GRHL1: variants seen among roughly 807,000 people sequenced by gnomAD.
GRHL1 encodes grainyhead like transcription factor 1.
GRHL1 carries 38 observed loss-of-function variants against 75.7 expected under a neutral mutation model. The ratio of observed to expected loss-of-function variants is 0.50; its 90% CI spans 0.39 to 0.66. The LOEUF is 0.66. GRHL1 is among the 30% of genes least tolerant of loss of function. The pLI is 0.00. For missense variants in GRHL1, 589 were observed against 767.5 expected, an observed-to-expected ratio of 0.77 and a Z score of 2.75; for synonymous variants, 266 against 279.4, an observed-to-expected ratio of 0.95 and a Z score of 0.48.
intron 8 of GRHL1, among the ~76,000 whole-genome samples, chr2:9,979,152 A>AAAAAAAAAAAAAAAAAAAAAAAAAAAG (rs1668086893): frequency 1.3e-5 from 1 of 76,834 alleles, no homozygotes. Context: ...ACTCTCTCTC[A>AAAAAAAAAAAAAAAAAAAAAAAAAAAG]AAAAAAAAAA....
chr2:9,983,570 G>C lies in GRHL1; in HGVS notation c.1111-2554G>C, dbSNP rs547448568. Reference sequence around the variant, plus strand: ...GGGAAGCAAGGGGAGGTTAGGTTTCGGGTTGGATTACTGTGAAATCTTCTT... The same window carrying C: ...GGGAAGCAAGGGGAGGTTAGGTTTCCGGTTGGATTACTGTGAAATCTTCTT... On this transcript the variant is annotated intron_variant, in intron 8 of 15. Transcript: ENST00000324907. Among the ~76,000 whole-genome samples the C allele has an allele frequency of 1.8e-3, 271 of 152,162 alleles. 1 individual carries two copies. The highest frequency in any genetic ancestry group is 6.1e-3 in the African/African-American group (254 of 41,504).
chr2:9,965,624 T>A, intron 8 of GRHL1: 1 of 477,546 alleles, frequency 2.1e-6, no homozygotes, highest in Non-Finnish European at 3.7e-6. Context: ...CACTCCTGCC[T>A]GTTCAGCCTT....
intron 8 of GRHL1, among the ~76,000 whole-genome samples, chr2:9,969,872 T>C: frequency 7.0e-6 from 1 of 142,054 alleles, no homozygotes. Flanking sequence ...AGATGGAGTC[T>C]CACTCTTTCG....
At chr2:9,994,834 C>CT (rs1668786735) in intron 12 of GRHL1, among the ~76,000 whole-genome samples, 2 of 152,236 alleles carry the variant, frequency 1.3e-5, no homozygotes, top group South Asian at 4.1e-4. Context: ...TTCGTTCGAT[C>CT]TGAGTTTTTC....
chr2:9,953,006 C>T (rs554839219), intron 1 of GRHL1: 8 of 456,714 alleles, frequency 1.8e-5, no homozygotes, highest in African/African-American at 1.2e-4. Flanking sequence ...GAGCCTTCGG[C>T]GACTGAAGCC....
intron 9 of GRHL1, among the ~76,000 whole-genome samples, chr2:9,989,747 C>CT (rs1350618842): frequency 1.3e-5 from 2 of 152,120 alleles, no homozygotes; most frequent in Non-Finnish European, 2.9e-5. Flanking sequence ...GACAGGGTTT[C>CT]CCATGTTGGC....
At chr2:9,995,551 C>T (rs1019911228) in intron 12 of GRHL1, among the ~76,000 whole-genome samples, 6 of 150,994 alleles carry the variant, frequency 4.0e-5, no homozygotes, top group African/African-American at 1.2e-4. Context: ...CACCACTGCA[C>T]TCCAGCCTGA....
intron 10 of GRHL1, 89 bp from the exon 11 acceptor site, chr2:9,991,918 C>A (rs1668660773): frequency 3.0e-6 from 3 of 1,011,290 alleles, no homozygotes; most frequent in Admixed American, 2.5e-5. Flanking sequence ...GAGTATCTTA[C>A]TCAGAGGCGA....
chr2:9,970,801 G>C (rs1667693152), intron 8 of GRHL1, among the ~76,000 whole-genome samples: 1 of 152,256 alleles, frequency 6.6e-6, no homozygotes, highest in Non-Finnish European at 1.5e-5. Flanking sequence ...GAGGCCTTTG[G>C]AAGGATTGTC....
chr2:9,955,499 G>T (rs991853956), intron 2 of GRHL1, among the ~76,000 whole-genome samples: 9 of 152,176 alleles, frequency 5.9e-5, no homozygotes, highest in Admixed American at 4.6e-4. Context: ...TGATACTACA[G>T]AGCCTTTGAA....
At chr2:9,978,713 G>A (rs12616347) in intron 8 of GRHL1, among the ~76,000 whole-genome samples, 18,452 of 152,132 alleles carry the variant, frequency 0.12, 1,713 homozygotes, top group Admixed American at 0.26. Context: ...GAAACCAGCC[G>A]GGCATGGTGG....
rs1667438857 is a variant in GRHL1, at chr2:9,965,206, G to A, written c.1016-81G>A. ...CCAGAGGTGATAATGCTAAAAACTA[G>A]ATCTTATTTTGAACTGCTGGGATCC... On this transcript the variant is annotated intron_variant, in intron 7 of 15. Coordinates refer to ENST00000324907, the MANE Select transcript of GRHL1 (RefSeq NM_198182.3). 5 of 730,108 alleles carry A rather than the reference G, an allele frequency of 6.8e-6. No homozygotes were observed. The South Asian group carries it at 7.9e-5, about 11-fold the overall frequency. The allele number at this position is 730,108 out of a possible 1,614,324, so 45.2% of individuals were successfully genotyped here.
intron 5 of GRHL1, 81 bp downstream of exon 5, chr2:9,962,612 G>A: frequency 2.4e-6 from 2 of 839,842 alleles, no homozygotes; most frequent in South Asian, 2.9e-5. Context: ...TAAATCAAAG[G>A]TGGCTTTAGC....
intron 2 of GRHL1, among the ~76,000 whole-genome samples, chr2:9,956,401 G>A (rs1463378947): frequency 6.6e-6 from 1 of 152,138 alleles, no homozygotes; most frequent in Non-Finnish European, 1.5e-5. Context: ...CATGCCTATA[G>A]TCTCAGCTAC....
In GRHL1 at chr2:9,998,571, T is replaced by C. The variant is rs1173116994; in HGVS notation, c.1678-394T>C. 1.2e-4 allele frequency among the ~76,000 whole-genome samples: 9 copies of C among 76,412 alleles called. 2 individuals are homozygous for C. Among genetic ancestry groups the C allele is most frequent in the Non-Finnish European group, 1.9e-4 (8 of 41,812 alleles). 50.1% of individuals were successfully genotyped at this position (76,412 alleles called of 152,430 possible). On this transcript the variant is annotated intron_variant, in intron 14 of 15. Coordinates refer to ENST00000324907, the MANE Select transcript of GRHL1 (RefSeq NM_198182.3). Reference sequence around the variant, plus strand: ...ATGTATATATGTGTGTACATGTATATATATACATATGTACATATATATGTA... The same window carrying C: ...ATGTATATATGTGTGTACATGTATACATATACATATGTACATATATATGTA...
chr2:10,001,330 A>G lies in GRHL1; in HGVS notation c.*623A>G, dbSNP rs1370535115. The G allele has an allele frequency of 6.6e-6, 1 of 152,670 alleles. No individual in the cohort carries two copies. The highest frequency in any genetic ancestry group is 2.4e-5 in the African/African-American group (1 of 41,468). The allele number at this position is 152,670 out of a possible 1,614,324, so 9.5% of individuals were successfully genotyped here. ...ATGAAGAATTTTAATGGGTTACAGT[A>G]TGAAATCAGTTAAGATAAAGCTGCA... is the stretch of plus-strand genomic sequence containing the variant. On this transcript the variant is annotated 3_prime_UTR_variant, in exon 16 of 16. Coordinates refer to ENST00000324907, the MANE Select transcript of GRHL1 (RefSeq NM_198182.3).
At chr2:9,986,795 C>G (rs1668437143) in intron 9 of GRHL1, among the ~76,000 whole-genome samples, 1 of 152,144 alleles carries the variant, frequency 6.6e-6, no homozygotes, top group African/African-American at 2.4e-5. Context: ...TAGCCTCAAC[C>G]TCCTGGGCTC....
rs1322925981 is a variant in GRHL1 at position 9,998,623 on chromosome 2, C to CACATAT, written c.1678-334_1678-329dup. Among the ~76,000 whole-genome samples, 98 of 34,436 alleles carry CACATAT rather than the reference C, an allele frequency of 2.8e-3. 23 individuals are homozygous for CACATAT. Among genetic ancestry groups the CACATAT allele is most frequent in the South Asian group, 4.5e-3 (8 of 1,766 alleles). 22.6% of individuals were successfully genotyped at this position (34,436 alleles called of 152,430 possible). On this transcript the variant is annotated intron_variant, in intron 14 of 15. Transcript: ENST00000324907. ...ACATATATATATACATATATATGTACACATATACATATATATGTACACATA... is the reference window on the plus strand; with the variant it reads ...ACATATATATATACATATATATGTACACATATACATATACATATATATGTACACATA...
At chr2:9,958,758 A>G in intron 2 of GRHL1, 28 bp from the exon 3 acceptor site, 1 of 1,582,054 alleles carries the variant, frequency 6.3e-7, no homozygotes, top group Non-Finnish European at 8.7e-7. Context: ...GATAAGAGCT[A>G]AATTCTTTTC....
Sources: allele counts gnomAD v4.1 joint callset (sites outside exome capture counted in the v4.1 genomes callset), GRCh38; gene constraint gnomAD v4.1.1; transcripts MANE v1.5; gene names NCBI Gene and HGNC (gene_info 2026-07-23, HGNC 2026-07-21).